Variants in C10orf90 observed in about 807,000 individuals in gnomAD.
C10orf90 encodes the protein (E2-independent) E3 ubiquitin-conjugating enzyme FATS.
C10orf90 carries 56 observed loss-of-function variants against 62.5 expected under a neutral mutation model. The ratio of observed to expected loss-of-function variants is 0.90; its 90% CI spans 0.72 to 1.12. The LOEUF (loss-of-function observed/expected upper bound fraction) is 1.12. Among genes scored for constraint, C10orf90 ranks in the 50% most tolerant of loss-of-function variants. The pLI is 0.00. For synonymous variants in C10orf90, 386 were observed against 340.4 expected (o/e 1.13, Z -1.47); for missense variants, 970 against 880.4 (o/e 1.10, Z -1.29).
At chr10:126,548,765 C>T (rs10901633) in intron 2 of C10orf90, among the ~76,000 whole-genome samples, 40,593 of 145,288 alleles carry the variant, frequency 0.28, 6,044 homozygotes, top group East Asian at 0.38. Flanking sequence ...TTTTTTGAGA[C>T]GGAGTCTCAC....
rs1591078776 is a variant in C10orf90, at chr10:126,536,687, G to A, written c.314-22748C>T. Among the ~76,000 whole-genome samples, 3 of 152,308 alleles carry A rather than the reference G, an allele frequency of 2.0e-5. No individual in the cohort carries two copies. The East Asian group carries it at 5.8e-4, about 29-fold the overall frequency. On this transcript the variant is annotated intron_variant, in intron 2 of 9. Coordinates refer to ENST00000488181, the MANE Select transcript of C10orf90 (RefSeq NM_001350921.2). The stretch of plus-strand genomic sequence containing the variant: ...TGAACCAGTGAGGAAAGCTGCATTT[G>A]TGTTTCTACAGACAAAATTGTTCTT...
intron 2 of C10orf90, among the ~76,000 whole-genome samples, chr10:126,565,003 T>TAAAATATAA (rs1844296130): frequency 6.9e-5 from 1 of 14,566 alleles, no homozygotes; most frequent in African/African-American, 1.8e-4. Context: ...ATATTATATA[T>TAAAATATAA]AATATATATA....
At chr10:126,528,748 G>T (rs61865888) in intron 2 of C10orf90, among the ~76,000 whole-genome samples, 3,722 of 152,282 alleles carry the variant, frequency 0.024, 72 homozygotes, top group Middle Eastern at 0.041. Flanking sequence ...GTCCTTCTTA[G>T]AGGACATTCC....
intron 4 of C10orf90, among the ~76,000 whole-genome samples, chr10:126,467,680 T>C (rs567253423): frequency 3.3e-5 from 5 of 152,202 alleles, no homozygotes; most frequent in Admixed American, 3.3e-4. Context: ...TATCCCCTTT[T>C]CCCACATTGG....
At chr10:126,568,410 A>G (rs1037857894) in intron 2 of C10orf90, among the ~76,000 whole-genome samples, 3 of 152,066 alleles carry the variant, frequency 2.0e-5, no homozygotes, top group Non-Finnish European at 4.4e-5. Context: ...GTCTGCTCCT[A>G]GGGGTCTCCC....
chr10:126,567,970 A>C (rs911802231), intron 2 of C10orf90, among the ~76,000 whole-genome samples: 1 of 151,514 alleles, frequency 6.6e-6, no homozygotes, highest in Admixed American at 6.6e-5. Context: ...GAAATGGGAG[A>C]AAAGAGAAGG....
At position 126,486,840 on chromosome 10, in the gene C10orf90, G is replaced by C. The variant is rs149336150; in HGVS notation, c.1534+17117C>G. ...CTGTGAAAATGGGAAAGACAGGTTA[G>C]AAGGAAGAAAAATAGAATGAGGCCA... On this transcript the variant is annotated intron_variant, in intron 4 of 9. Transcript: ENST00000488181. 3.3e-3 allele frequency among the ~76,000 whole-genome samples: 509 copies of C among 152,096 alleles called. 5 individuals are homozygous for C. The highest frequency in any genetic ancestry group is 4.7e-3 in the East Asian group (24 of 5,158).
intron 2 of C10orf90, among the ~76,000 whole-genome samples, chr10:126,618,091 G>T (rs1194342384): frequency 6.6e-6 from 1 of 152,160 alleles, no homozygotes; most frequent in Non-Finnish European, 1.5e-5. Context: ...ATGAGGCTCA[G>T]AAGAGAATCT....
chr10:126,600,262 T>G (rs560214979), intron 2 of C10orf90, among the ~76,000 whole-genome samples: 3 of 152,186 alleles, frequency 2.0e-5, no homozygotes, highest in Non-Finnish European at 2.9e-5. Context: ...CTCACCGGCG[T>G]TGGCATGCGG....
intron 1 of C10orf90, among the ~76,000 whole-genome samples, chr10:126,653,356 AC>A (rs1415127395): frequency 6.6e-6 from 1 of 152,230 alleles, no homozygotes; most frequent in Non-Finnish European, 1.5e-5. Flanking sequence ...TGCTCTATCA[AC>A]AAATTTATAG....
At chr10:126,446,175 A>T (rs10751552) in intron 7 of C10orf90, among the ~76,000 whole-genome samples, 58,653 of 151,016 alleles carry the variant, frequency 0.39, 11,743 homozygotes, top group South Asian at 0.48. Context: ...CTTTTTTTTT[A>T]AAGAAGTTTA....
chr10:126,532,666 T>C (rs1413255515), intron 2 of C10orf90, among the ~76,000 whole-genome samples: 1 of 150,338 alleles, frequency 6.7e-6, no homozygotes, highest in South Asian at 2.1e-4. Context: ...TGAAACCCCG[T>C]CTCTACTAAA....
intron 7 of C10orf90, among the ~76,000 whole-genome samples, chr10:126,450,809 A>T (rs888319531): frequency 6.6e-6 from 1 of 152,222 alleles, no homozygotes; most frequent in African/African-American, 2.4e-5. Flanking sequence ...TGACCTCAAA[A>T]GCACAGGCAA....
intron 2 of C10orf90, among the ~76,000 whole-genome samples, chr10:126,591,208 C>T (rs571719391): frequency 2.6e-5 from 4 of 152,276 alleles, no homozygotes; most frequent in Admixed American, 1.3e-4. Flanking sequence ...AGGCCAGCAT[C>T]GTCCTGATAC....
At chr10:126,567,020 C>T (rs1207475744) in intron 2 of C10orf90, among the ~76,000 whole-genome samples, 1 of 152,134 alleles carries the variant, frequency 6.6e-6, no homozygotes, top group Non-Finnish European at 1.5e-5. Flanking sequence ...AAAGGTGGCC[C>T]TGGGTGGGCC....
At chr10:126,485,998 A>G (rs567508559) in intron 4 of C10orf90, among the ~76,000 whole-genome samples, 15 of 152,236 alleles carry the variant, frequency 9.9e-5, no homozygotes, top group African/African-American at 3.4e-4. Flanking sequence ...TTAAAAATAT[A>G]TGGCTCAGCT....
chr10:126,565,613 A>G (rs1168715640), intron 2 of C10orf90, among the ~76,000 whole-genome samples: 1 of 151,238 alleles, frequency 6.6e-6, no homozygotes, highest in Non-Finnish European at 1.5e-5. Flanking sequence ...TCTGCGGTCC[A>G]GGCTCTGCAC....
Position 126,435,870 on chromosome 10 carries a change from A to G in C10orf90, c.2189-6020T>C, listed in dbSNP as rs576461730. 1.4e-3 allele frequency among the ~76,000 whole-genome samples: 210 copies of G among 152,232 alleles called. 1 individual carries two copies. The highest frequency in any genetic ancestry group is 4.7e-3 in the African/African-American group (197 of 41,550). On this transcript the variant is annotated intron_variant, in intron 7 of 9. Coordinates refer to ENST00000488181, the MANE Select transcript of C10orf90 (RefSeq NM_001350921.2). Reference sequence around the variant, plus strand: ...CCCAAGTGGCACATGAACTCCTGGAAGACAGGAAAGTCTCTTCTCAGCCCC... The same window carrying G: ...CCCAAGTGGCACATGAACTCCTGGAGGACAGGAAAGTCTCTTCTCAGCCCC...
At chr10:126,434,477 A>G (rs141229726) in intron 7 of C10orf90, among the ~76,000 whole-genome samples, 77 of 152,322 alleles carry the variant, frequency 5.1e-4, no homozygotes, top group African/African-American at 1.5e-3. Context: ...TATTAGGACA[A>G]TGCTTTCCAG....
Sources: allele counts gnomAD v4.1 joint callset (sites outside exome capture counted in the v4.1 genomes callset), GRCh38; gene constraint gnomAD v4.1.1; transcripts MANE v1.5; gene names NCBI Gene and HGNC (gene_info 2026-07-23, HGNC 2026-07-21).